NKAIN2: variants seen among roughly 807,000 people sequenced by gnomAD.
NKAIN2 encodes sodium/potassium-transporting ATPase subunit beta-1-interacting protein 2.
In NKAIN2, 14 loss-of-function variants were observed where a neutral mutation model predicts 32.6. The ratio of observed to expected loss-of-function variants is 0.43; its 90% CI spans 0.28 to 0.67. NKAIN2 has a LOEUF of 0.67. NKAIN2 is among the 30% of genes least tolerant of loss of function. The pLI, the probability that NKAIN2 is intolerant of heterozygous loss-of-function variation, is 0.17. For missense variants in NKAIN2, 198 were observed against 258.3 expected (o/e 0.77, Z 1.60); for synonymous variants, 80 against 87.2 (o/e 0.92, Z 0.46).
At chr6:123,997,922 A>G (rs1439378842) in intron 1 of NKAIN2, among the ~76,000 whole-genome samples, 1 of 152,034 alleles carries the variant, frequency 6.6e-6, no homozygotes, top group Non-Finnish European at 1.5e-5. Flanking sequence ...GTTATTTGTT[A>G]AAAGAATGTT....
At chr6:124,522,348 A>G (rs1457356837) in intron 3 of NKAIN2, among the ~76,000 whole-genome samples, 3 of 152,200 alleles carry the variant, frequency 2.0e-5, no homozygotes, top group Non-Finnish European at 4.4e-5. Flanking sequence ...ACTCTTCGTT[A>G]TACACATCAT....
chr6:123,967,578 C>T (rs544958664), intron 1 of NKAIN2, among the ~76,000 whole-genome samples: 1 of 152,126 alleles, frequency 6.6e-6, no homozygotes, highest in African/African-American at 2.4e-5. Context: ...CTAGAAGAAT[C>T]TTCCCTGTGG....
chr6:123,960,932 C>T (rs149781504), intron 1 of NKAIN2, among the ~76,000 whole-genome samples: 21 of 151,688 alleles, frequency 1.4e-4, no homozygotes, highest in Non-Finnish European at 2.1e-4. Flanking sequence ...TCAGAGCAGA[C>T]GGAAATATGT....
intron 4 of NKAIN2, among the ~76,000 whole-genome samples, chr6:124,782,801 C>T (rs1041648778): frequency 6.6e-6 from 1 of 152,122 alleles, no homozygotes; most frequent in African/African-American, 2.4e-5. Context: ...AAAAATTACA[C>T]TTTCTGCTTC....
chr6:124,737,019 A>G (rs1207200096), intron 4 of NKAIN2, among the ~76,000 whole-genome samples: 1 of 151,932 alleles, frequency 6.6e-6, no homozygotes, highest in Admixed American at 6.6e-5. Context: ...TTTCCTTTTT[A>G]TTCTAGTGCC....
chr6:124,083,603 A>T (rs1332012569), intron 1 of NKAIN2, among the ~76,000 whole-genome samples: 1 of 152,014 alleles, frequency 6.6e-6, no homozygotes, highest in Non-Finnish European at 1.5e-5. Flanking sequence ...ACCTATACAT[A>T]AATTTCAAAT....
At chr6:123,884,510 G>A (rs1773621942) in intron 1 of NKAIN2, among the ~76,000 whole-genome samples, 1 of 152,132 alleles carries the variant, frequency 6.6e-6, no homozygotes, top group Non-Finnish European at 1.5e-5. Flanking sequence ...GTTTCTTGAA[G>A]TAATCTCTTA....
chr6:124,395,845 A>G (rs57698377), intron 3 of NKAIN2, among the ~76,000 whole-genome samples: 5,890 of 152,200 alleles, frequency 0.039, 343 homozygotes, highest in African/African-American at 0.14. Context: ...TGCTGAAAAT[A>G]TTGTTATATG....
intron 1 of NKAIN2, among the ~76,000 whole-genome samples, chr6:124,083,393 C>G (rs1784059318): frequency 6.6e-6 from 1 of 151,808 alleles, no homozygotes; most frequent in Non-Finnish European, 1.5e-5. Context: ...GTCATCATTA[C>G]TTTTTTAAAC....
intron 1 of NKAIN2, among the ~76,000 whole-genome samples, chr6:123,840,892 T>TAC (rs1365682738): frequency 6.6e-6 from 1 of 152,156 alleles, no homozygotes; most frequent in Non-Finnish European, 1.5e-5. Flanking sequence ...CAAAGTGTAG[T>TAC]CTAGATAGGA....
intron 3 of NKAIN2, among the ~76,000 whole-genome samples, chr6:124,578,351 G>A (rs557156017): frequency 6.7e-5 from 10 of 149,436 alleles, no homozygotes; most frequent in African/African-American, 2.2e-4. Context: ...TGTCCTGAAG[G>A]GAGAGTCTCA....
At chr6:123,812,919 G>A (rs1773538751) in intron 1 of NKAIN2, among the ~76,000 whole-genome samples, 1 of 152,226 alleles carries the variant, frequency 6.6e-6, no homozygotes, top group South Asian at 2.1e-4. Context: ...GTGTGCATCT[G>A]TATTATTCTA....
intron 3 of NKAIN2, among the ~76,000 whole-genome samples, chr6:124,559,734 C>T (rs1410478489): frequency 1.3e-5 from 2 of 151,834 alleles, no homozygotes; most frequent in Non-Finnish European, 2.9e-5. Flanking sequence ...GATGCCACGT[C>T]CTGGGTCATC....
chr6:124,754,616 T>C (rs1410470543), intron 4 of NKAIN2, among the ~76,000 whole-genome samples: 1 of 152,108 alleles, frequency 6.6e-6, no homozygotes, highest in Non-Finnish European at 1.5e-5. Flanking sequence ...GAATGGCTAT[T>C]ACTAAAAGTT....
rs190279550 is a variant in NKAIN2, at chr6:123,949,073, A to T, written c.54+144819A>T. 1.1e-3 allele frequency among the ~76,000 whole-genome samples: 164 copies of T among 152,024 alleles called. 2 individuals carry two copies. Among genetic ancestry groups the T allele is most frequent in the Non-Finnish European group, 2.0e-3 (137 of 67,862 alleles). ...TTTATCAAAAATCAGTTGGCTATAA[A>T]CACATTGATTTATTTCTGTATTTTC... On this transcript the variant is annotated intron_variant, in intron 1 of 6. Transcript: ENST00000368417.
At chr6:123,904,772 A>T (rs1412186169) in intron 1 of NKAIN2, among the ~76,000 whole-genome samples, 1 of 152,142 alleles carries the variant, frequency 6.6e-6, no homozygotes, top group Non-Finnish European at 1.5e-5. Context: ...TCCATCTAAC[A>T]TTTTCAGTCA....
intron 2 of NKAIN2, among the ~76,000 whole-genome samples, chr6:124,324,243 G>A (rs1386212155): frequency 1.3e-5 from 2 of 151,962 alleles, no homozygotes; most frequent in Non-Finnish European, 2.9e-5. Context: ...CCATGAACAT[G>A]GTATGTCTCT....
chr6:124,428,363 A>G (rs1157314380), intron 3 of NKAIN2, among the ~76,000 whole-genome samples: 1 of 152,046 alleles, frequency 6.6e-6, no homozygotes, highest in Non-Finnish European at 1.5e-5. Flanking sequence ...TATATACGAC[A>G]CTTTGTTAAC....
chr6:124,381,404 T>C (rs1182670204), intron 3 of NKAIN2, among the ~76,000 whole-genome samples: 1 of 152,064 alleles, frequency 6.6e-6, no homozygotes, highest in Non-Finnish European at 1.5e-5. Context: ...TGTAAACTGG[T>C]CTTGAGATAA....
Sources: allele counts gnomAD v4.1 joint callset (sites outside exome capture counted in the v4.1 genomes callset), GRCh38; gene constraint gnomAD v4.1.1; transcripts MANE v1.5; gene names NCBI Gene and HGNC (gene_info 2026-07-23, HGNC 2026-07-21).